The following ACTL8 variants were observed in gnomAD, a reference collection of about 807,000 sequenced individuals.
ACTL8 encodes actin like 8, also known as actin-like protein 8.
A neutral mutation model predicts 9.3 loss-of-function variants in ACTL8; 3 were observed. The observed-to-expected ratio is 0.32, with a 90% CI of 0.15 to 0.83. The LOEUF (loss-of-function observed/expected upper bound fraction) is 0.83. ACTL8 is among the 40% of genes least tolerant of loss of function. The pLI, the probability that ACTL8 is intolerant of heterozygous loss-of-function variation, is 0.57. For synonymous variants in ACTL8, 224 were observed against 205.9 expected, an observed-to-expected ratio of 1.09 and a Z score of -0.75; for missense variants, 381 against 492.2, an observed-to-expected ratio of 0.77 and a Z score of 2.14.
In ACTL8 at chr1:17,825,982, C is replaced by T. The variant is rs753817755; in HGVS notation, c.564C>T (p.Leu188=). ...QDLSAYLLKS[L]FKEDCDRRCL... is the part of the protein sequence containing the mutation. ...TCTCCGCCTATCTCCTCAAGAGTCT[C>T]TTTAAGGAAGATTGCGATAGACGCT... Residue 188 remains leucine (L), a synonymous_variant, in exon 3 of 3, where the codon CTC becomes CTT. Coordinates refer to ENST00000375406, the MANE Select transcript of ACTL8 (RefSeq NM_030812.3). 4 of 1,609,402 alleles carry T rather than the reference C, an allele frequency of 2.5e-6. No homozygotes were observed. In the South Asian group the frequency reaches 4.4e-5, roughly 18 times the overall value.
intron 1 of ACTL8, among the ~76,000 whole-genome samples, chr1:17,769,703 A>C (rs998277305): frequency 3.9e-5 from 6 of 152,288 alleles, no homozygotes; most frequent in Admixed American, 6.5e-5. Context: ...TGGGAATACA[A>C]GGGGCCTGGT....
intron 1 of ACTL8, among the ~76,000 whole-genome samples, chr1:17,756,620 G>C (rs2102670679): frequency 6.6e-6 from 1 of 152,212 alleles, no homozygotes; most frequent in South Asian, 2.1e-4. Context: ...TCCTTGACTG[G>C]ACCCAAACTG....
intron 2 of ACTL8, 85 bp from the exon 3 acceptor site, chr1:17,825,682 G>A (rs879071396): frequency 1.7e-5 from 26 of 1,511,060 alleles, no homozygotes; most frequent in East Asian, 1.4e-4. Context: ...GAGTCCCCCC[G>A]AGGATGGGGC....
At chr1:17,818,698 C>T (rs940577364) in intron 1 of ACTL8, among the ~76,000 whole-genome samples, 1 of 152,208 alleles carries the variant, frequency 6.6e-6, no homozygotes, top group Non-Finnish European at 1.5e-5. Flanking sequence ...TAGAAGGAGG[C>T]CTTTGATGAC....
At chr1:17,756,816 A>G (rs1211249293) in intron 1 of ACTL8, among the ~76,000 whole-genome samples, 1 of 152,172 alleles carries the variant, frequency 6.6e-6, no homozygotes, top group Admixed American at 6.5e-5. Context: ...GTTAAGACAA[A>G]ATGCCACCTG....
chr1:17,772,178 A>G (rs920840720), intron 1 of ACTL8, among the ~76,000 whole-genome samples: 1 of 152,216 alleles, frequency 6.6e-6, no homozygotes. Context: ...AACACATGAG[A>G]AGTTTGCATA....
intron 1 of ACTL8, among the ~76,000 whole-genome samples, chr1:17,779,219 G>A (rs2066136162): frequency 6.6e-6 from 1 of 151,892 alleles, no homozygotes; most frequent in Non-Finnish European, 1.5e-5. Context: ...CTGCCTCCTG[G>A]ACCCCTCTCC....
chr1:17,808,626 T>TG (rs1413304374), intron 1 of ACTL8, among the ~76,000 whole-genome samples: 1 of 152,210 alleles, frequency 6.6e-6, no homozygotes, highest in Non-Finnish European at 1.5e-5. Context: ...AGAGATACTG[T>TG]GTGAGAAGTA....
chr1:17,800,583 C>CTTTTTTTTTTTTTT (rs59143238), intron 1 of ACTL8, among the ~76,000 whole-genome samples: 3 of 69,168 alleles, frequency 4.3e-5, no homozygotes, highest in African/African-American at 1.9e-4. Context: ...TGGTGTCAAT[C>CTTTTTTTTTTTTTT]TTTTTTTTTT....
chr1:17,802,384 G>C (rs1228823837), intron 1 of ACTL8, among the ~76,000 whole-genome samples: 2 of 151,684 alleles, frequency 1.3e-5, no homozygotes, highest in African/African-American at 4.9e-5. Flanking sequence ...GAGTTGCATC[G>C]TGCTGGCACT....
chr1:17,783,428 C>G (rs1346848548), intron 1 of ACTL8, among the ~76,000 whole-genome samples: 1 of 150,730 alleles, frequency 6.6e-6, no homozygotes, highest in African/African-American at 2.4e-5. Flanking sequence ...TGGAGGCTGT[C>G]TGTGTGAAGG....
chr1:17,789,615 G>GC (rs1231121765), intron 1 of ACTL8, among the ~76,000 whole-genome samples: 2 of 152,042 alleles, frequency 1.3e-5, no homozygotes, highest in African/African-American at 4.8e-5. Context: ...GATGTTCCAA[G>GC]CACATGTTAG....
intron 1 of ACTL8, among the ~76,000 whole-genome samples, chr1:17,819,047 C>T (rs2053622857): frequency 6.6e-6 from 1 of 152,248 alleles, no homozygotes; most frequent in Admixed American, 6.5e-5. Context: ...AGAATGGCCC[C>T]TGCCTCCCAG....
chr1:17,796,341 T>TAAGCACTCCCACTGTTTTAA (rs1391702160), intron 1 of ACTL8, among the ~76,000 whole-genome samples: 14 of 150,172 alleles, frequency 9.3e-5, no homozygotes, highest in African/African-American at 3.4e-4. Context: ...TGTGTGTAGG[T>TAAGCACTCCCACTGTTTTAA]AAGCACTCCC....
At chr1:17,774,332 G>A (rs2066103635) in intron 1 of ACTL8, among the ~76,000 whole-genome samples, 1 of 152,068 alleles carries the variant, frequency 6.6e-6, no homozygotes, top group Admixed American at 6.6e-5. Flanking sequence ...GGGGCGGGGT[G>A]TAGGCTGCTG....
At chr1:17,818,655 C>T (rs1465286618) in intron 1 of ACTL8, among the ~76,000 whole-genome samples, 1 of 152,208 alleles carries the variant, frequency 6.6e-6, no homozygotes. Flanking sequence ...CTTATTCCCT[C>T]ACTTCATTCA....
chr1:17,761,850 C>T (rs2066008463), intron 1 of ACTL8, among the ~76,000 whole-genome samples: 2 of 152,158 alleles, frequency 1.3e-5, no homozygotes, highest in Admixed American at 1.3e-4. Context: ...GGATTACAGG[C>T]GTGAGCTGCC....
At chr1:17,796,870 A>T (rs2066281219) in intron 1 of ACTL8, among the ~76,000 whole-genome samples, 1 of 152,162 alleles carries the variant, frequency 6.6e-6, no homozygotes, top group South Asian at 2.1e-4. Context: ...GAATTTCTAG[A>T]ATGATAGAGT....
At chr1:17,808,248 C>T (rs1270083981) in intron 1 of ACTL8, among the ~76,000 whole-genome samples, 1 of 152,178 alleles carries the variant, frequency 6.6e-6, no homozygotes, top group African/African-American at 2.4e-5. Context: ...GGACACAAGA[C>T]CCCAGGGACA....
Sources: gnomAD v4.1 joint callset for allele counts (sites outside exome capture counted in the v4.1 genomes callset) on GRCh38, gnomAD v4.1.1 for gene constraint, MANE v1.5 for transcripts, NCBI Gene and HGNC (gene_info 2026-07-23, HGNC 2026-07-21) for gene names.